The following RALYL variants were observed in gnomAD, a reference collection of about 807,000 sequenced individuals.
RALYL encodes the protein RNA-binding Raly-like protein.
Under a neutral mutation model 35.1 loss-of-function variants are expected in RALYL, and 29 were observed. The ratio of observed to expected loss-of-function variants is 0.83; its 90% CI spans 0.61 to 1.13. The LOEUF (loss-of-function observed/expected upper bound fraction) is 1.13, where lower values mean the gene tolerates loss of function less well. Among genes scored for constraint, RALYL ranks in the 50% most tolerant of loss-of-function variants. RALYL has a pLI of 0.00. For missense variants in RALYL, 359 were observed against 360.4 expected (o/e 1.00, Z 0.03); for synonymous variants, 120 against 127.6 (o/e 0.94, Z 0.40).
intron 2 of RALYL, among the ~76,000 whole-genome samples, chr8:84,651,830 G>A (rs1185343767): frequency 6.6e-6 from 1 of 152,032 alleles, no homozygotes; most frequent in Non-Finnish European, 1.5e-5. Context: ...GGAACAGGAT[G>A]TCAGATTCTG....
At chr8:84,842,690 C>A (rs1833705608) in intron 4 of RALYL, among the ~76,000 whole-genome samples, 1 of 152,162 alleles carries the variant, frequency 6.6e-6, no homozygotes, top group Non-Finnish European at 1.5e-5. Context: ...GACCAATATC[C>A]TTGATGAACA....
At chr8:84,767,873 T>C (rs1814494866) in intron 2 of RALYL, among the ~76,000 whole-genome samples, 1 of 152,204 alleles carries the variant, frequency 6.6e-6, no homozygotes, top group African/African-American at 2.4e-5. Context: ...TCTGTAAAGG[T>C]ACTTCTGCAC....
intron 1 of RALYL, among the ~76,000 whole-genome samples, chr8:84,391,841 A>G (rs185937511): frequency 1.4e-3 from 209 of 152,058 alleles, no homozygotes; most frequent in African/African-American, 4.5e-3. Context: ...TGATGCTGCC[A>G]CTCCCAACAA....
At chr8:84,518,571 A>G (rs2058232849) in intron 1 of RALYL, among the ~76,000 whole-genome samples, 1 of 152,212 alleles carries the variant, frequency 6.6e-6, no homozygotes, top group Non-Finnish European at 1.5e-5. Flanking sequence ...TTTTCACTGT[A>G]TCATTTTTGT....
intron 1 of RALYL, among the ~76,000 whole-genome samples, chr8:84,399,182 A>G (rs2042644852): frequency 6.6e-6 from 1 of 152,192 alleles, no homozygotes; most frequent in Non-Finnish European, 1.5e-5. Flanking sequence ...CAGGAGTTTC[A>G]TTACTAAAGA....
At chr8:84,685,412 A>G (rs575586546) in intron 2 of RALYL, among the ~76,000 whole-genome samples, 1 of 151,908 alleles carries the variant, frequency 6.6e-6, no homozygotes, top group Non-Finnish European at 1.5e-5. Context: ...AACCCCCACC[A>G]TCGTCTCCAC....
intron 1 of RALYL, among the ~76,000 whole-genome samples, chr8:84,262,526 A>G (rs920662721): frequency 6.6e-6 from 1 of 152,300 alleles, no homozygotes; most frequent in South Asian, 2.1e-4. Context: ...TTTTTTATAA[A>G]TGTTTTATAA....
intron 2 of RALYL, among the ~76,000 whole-genome samples, chr8:84,580,990 T>C (rs1440131999): frequency 6.6e-6 from 1 of 152,148 alleles, no homozygotes; most frequent in Admixed American, 6.5e-5. Context: ...CTAATCTGGG[T>C]TAACTTAAAG....
At chr8:84,217,588 G>A (rs2131261065) in intron 1 of RALYL, among the ~76,000 whole-genome samples, 1 of 152,100 alleles carries the variant, frequency 6.6e-6, no homozygotes, top group Non-Finnish European at 1.5e-5. Flanking sequence ...ATTAAAGTTG[G>A]AAACGTAAGG....
chr8:84,244,445 G>A (rs184955721), intron 1 of RALYL, among the ~76,000 whole-genome samples: 1 of 152,194 alleles, frequency 6.6e-6, no homozygotes, highest in Non-Finnish European at 1.5e-5. Flanking sequence ...CAAAGTTTCT[G>A]AACAACCTGA....
chr8:84,535,427 A>G (rs146625835), intron 2 of RALYL, among the ~76,000 whole-genome samples: 7 of 142,648 alleles, frequency 4.9e-5, no homozygotes, highest in Non-Finnish European at 1.1e-4. Flanking sequence ...GGATGTTAGT[A>G]GCATCCCTGC....
At chr8:84,804,725 CAGCAAATTTTTATATTAAA>C (rs777590197) in intron 3 of RALYL, 26 bp from the exon 4 acceptor site, 1 of 1,018,714 alleles carries the variant, frequency 9.8e-7, no homozygotes, top group Non-Finnish European at 1.3e-6. Context: ...TTTGAATATA[CAGCAAATTTTTATATTAAA>C]AGAAAATTTT....
chr8:84,745,293 T>C (rs1808348893), intron 2 of RALYL, among the ~76,000 whole-genome samples: 1 of 152,050 alleles, frequency 6.6e-6, no homozygotes, highest in African/African-American at 2.4e-5. Context: ...TGATAGTATT[T>C]ATATAGTTTT....
In RALYL at chr8:84,778,340, G is replaced by C. The variant is rs76847454; in HGVS notation, c.332+3686G>C. ...CTTTGATTTGTTTCTTCTTTTAATA[G>C]GATTTTCAACTCAGCCAAACAACCT... On this transcript the variant is annotated intron_variant, in intron 3 of 8. Transcript: ENST00000521268. 1.9e-3 allele frequency among the ~76,000 whole-genome samples: 293 copies of C among 152,188 alleles called. 9 individuals are homozygous for C. In the East Asian group the frequency reaches 0.052, roughly 27 times the overall value.
At chr8:84,845,416 C>T (rs764616748) in intron 4 of RALYL, among the ~76,000 whole-genome samples, 4 of 152,162 alleles carry the variant, frequency 2.6e-5, no homozygotes, top group Non-Finnish European at 4.4e-5. Context: ...TTGCATTTAT[C>T]TAATGATTAG....
intron 1 of RALYL, among the ~76,000 whole-genome samples, chr8:84,473,185 A>G: frequency 6.6e-6 from 1 of 152,208 alleles, no homozygotes; most frequent in South Asian, 2.1e-4. Flanking sequence ...AACTCTTAAT[A>G]TATAATACAT....
chr8:84,536,151 C>CT (rs367595959), intron 2 of RALYL, among the ~76,000 whole-genome samples: 1 of 152,132 alleles, frequency 6.6e-6, no homozygotes, highest in African/African-American at 2.4e-5. Flanking sequence ...CTCTTCACAT[C>CT]TTTAATACAC....
At position 84,613,666 on chromosome 8, in the gene RALYL, A is replaced by G. The variant is rs1349399355; in HGVS notation, c.256+84089A>G. 9.2e-5 allele frequency among the ~76,000 whole-genome samples: 14 copies of G among 151,626 alleles called. No homozygotes were observed. The East Asian group carries it at 2.7e-3, about 29-fold the overall frequency. On this transcript the variant is annotated intron_variant, in intron 2 of 8. Transcript: ENST00000521268. ...GGTAATATCCATTTTTATCACTTAT[A>G]GAATCCTGTTGATCCCATACAATAA...
chr8:84,590,174 A>G (rs564380847), intron 2 of RALYL, among the ~76,000 whole-genome samples: 1 of 152,352 alleles, frequency 6.6e-6, no homozygotes, highest in Non-Finnish European at 1.5e-5. Flanking sequence ...AATCTGTGCA[A>G]TGGTCATCAG....
Sources: gnomAD v4.1 joint callset for allele counts (sites outside exome capture counted in the v4.1 genomes callset) on GRCh38, gnomAD v4.1.1 for gene constraint, MANE v1.5 for transcripts, NCBI Gene and HGNC (gene_info 2026-07-23, HGNC 2026-07-21) for gene names.